The following NEK6 variants were observed in gnomAD, a reference collection of about 807,000 sequenced individuals.
NEK6 encodes the protein NIMA related kinase 6, also known as serine/threonine-protein kinase Nek6.
In NEK6, 27 loss-of-function variants were observed where a neutral mutation model predicts 43.5. The ratio of observed to expected loss-of-function variants is 0.62; its 90% confidence interval spans 0.46 to 0.86. The LOEUF (loss-of-function observed/expected upper bound fraction) is 0.86, where lower values mean the gene tolerates loss of function less well. Ranked by LOEUF, NEK6 falls within the 40% of genes least tolerant of loss-of-function variation. The pLI is 0.00. For synonymous variants in NEK6, 167 were observed against 164.1 expected, an observed-to-expected ratio of 1.02 and a Z score of -0.14; for missense variants, 318 against 414.4, an observed-to-expected ratio of 0.77 and a Z score of 2.02.
chr9:124,349,726 A>T (rs1830148247), intron 9 of NEK6, among the ~76,000 whole-genome samples: 1 of 152,162 alleles, frequency 6.6e-6, no homozygotes, highest in Non-Finnish European at 1.5e-5. Context: ...GGGTATTTTA[A>T]CCTGTCAGAG....
In NEK6 at chr9:124,338,729, C is replaced by T. The variant is rs138858858; in HGVS notation, c.623-842C>T. Among the ~76,000 whole-genome samples, 302 of 152,318 alleles carry T rather than the reference C, an allele frequency of 2.0e-3. 1 individual carries two copies. The highest frequency in any genetic ancestry group is 5.7e-3 in the Admixed American group (87 of 15,294). Reference sequence around the variant, plus strand: ...GGTTTGAACTAATTCCTGCCACTCTCGTGCAAACCTCTTCACCCATCTGAG... The same window carrying T: ...GGTTTGAACTAATTCCTGCCACTCTTGTGCAAACCTCTTCACCCATCTGAG... On this transcript the variant is annotated intron_variant, in intron 7 of 9. Coordinates refer to ENST00000320246, the MANE Select transcript of NEK6 (RefSeq NM_014397.6).
chr9:124,284,968 G>A (rs1226079618), intron 1 of NEK6, among the ~76,000 whole-genome samples: 1 of 152,204 alleles, frequency 6.6e-6, no homozygotes, highest in African/African-American at 2.4e-5. Flanking sequence ...CCAAATACGT[G>A]GTGCAGTAGG....
Position 124,324,089 on chromosome 9 carries a change from C to CA in NEK6, c.406-2240dup, listed in dbSNP as rs1198742406. ...CCCTCCAACCCGGCTCAGGGGCCCT[C>CA]ACCTGCAGAGCTGGCTCGGTGCAGC... On this transcript the variant is annotated intron_variant, in intron 5 of 9. Coordinates refer to ENST00000320246, the MANE Select transcript of NEK6 (RefSeq NM_014397.6). The surrounding 1 kb of genome is among the most constrained non-coding windows in gnomAD (Gnocchi z 5.3). Among the ~76,000 whole-genome samples, 2 of 152,326 alleles carry CA rather than the reference C, an allele frequency of 1.3e-5. No homozygotes were observed. The highest frequency in any genetic ancestry group is 3.9e-4 in the East Asian group (2 of 5,178).
chr9:124,310,101 C>T lies in NEK6; in HGVS notation c.91-2408C>T, dbSNP rs572508073. On this transcript the variant is annotated intron_variant, in intron 2 of 9. Transcript: ENST00000320246. ...GAGGGATCTGAGCTGAGAGCCCACC[C>T]GATACGGAGCAAGAGCTTGGGCACC... Among the ~76,000 whole-genome samples the T allele has an allele frequency of 4.6e-5, 7 of 152,288 alleles. No homozygotes were observed. The East Asian group carries it at 5.8e-4, about 13-fold the overall frequency.
chr9:124,312,625 G>C lies in NEK6; in HGVS notation c.207G>C (p.Lys69Asn). Reference sequence around the variant, plus strand: ...AGGCCACCTGCCTGCTGGACAGGAAGACAGTGGCTCTGAAGAAGGTGCAGG... The same window carrying C: ...AGGCCACCTGCCTGCTGGACAGGAACACAGTGGCTCTGAAGAAGGTGCAGG... ...VYKATCLLDR[K>N]TVALKKVQIF... The change falls in exon 3 of 10, where the codon AAG becomes AAC. Residue 69 changes from lysine to asparagine, a missense_variant. Around this residue, in one of 2 missense-constraint regions of NEK6, gnomAD observed 239 missense variants for 344.4 expected, o/e 0.69. Coordinates refer to ENST00000320246, the MANE Select transcript of NEK6 (RefSeq NM_014397.6). 1 of 1,613,700 alleles carries C rather than the reference G, an allele frequency of 6.2e-7. No homozygotes were observed.
intron 7 of NEK6, among the ~76,000 whole-genome samples, chr9:124,335,221 G>A (rs988262512): frequency 6.6e-5 from 10 of 151,938 alleles, no homozygotes; most frequent in Non-Finnish European, 5.9e-5. Context: ...GGTTGGCTAC[G>A]ACAAGCCATC....
intron 8 of NEK6, among the ~76,000 whole-genome samples, chr9:124,341,383 CAA>C (rs1327097326): frequency 1.4e-5 from 2 of 147,032 alleles, no homozygotes; most frequent in African/African-American, 4.9e-5. Context: ...ATGCGGGTGA[CAA>C]GAGGGTGGGA....
chr9:124,267,476 G>A (rs1027887395), intron 1 of NEK6, among the ~76,000 whole-genome samples: 29 of 152,246 alleles, frequency 1.9e-4, no homozygotes, highest in African/African-American at 6.5e-4. Flanking sequence ...GGCCTTTTGT[G>A]TGTGTTTTAA....
At chr9:124,311,098 C>T (rs558568524) in intron 2 of NEK6, among the ~76,000 whole-genome samples, 3 of 152,308 alleles carry the variant, frequency 2.0e-5, no homozygotes, top group East Asian at 1.9e-4. Flanking sequence ...CAGGCTGAGA[C>T]GCAGCTGGTC....
At chr9:124,300,914 C>G (rs574521470) in intron 1 of NEK6, among the ~76,000 whole-genome samples, 1 of 152,346 alleles carries the variant, frequency 6.6e-6, no homozygotes, top group African/African-American at 2.4e-5. Context: ...TGAGAGGTGC[C>G]CCTCGGGACA....
At chr9:124,295,637 A>T (rs573873925) in intron 1 of NEK6, among the ~76,000 whole-genome samples, 56 of 152,158 alleles carry the variant, frequency 3.7e-4, no homozygotes, top group African/African-American at 1.3e-3. Flanking sequence ...AGTGTGGATC[A>T]TAGCAGGGCC....
chr9:124,326,202 T>TCCCCCCC lies in NEK6; in HGVS notation c.406-123_406-117dup, dbSNP rs61223297. On this transcript the variant is annotated intron_variant, in intron 5 of 9. Transcript: ENST00000320246. The surrounding 1 kb of genome is among the most constrained non-coding windows in gnomAD (Gnocchi z 4.5). ...GCTTATTGTTTGCTCAGTGGCTCAA[T>TCCCCCCC]CCCCCCCCCCCGCCCCTGCCAGGCA... 2.5e-3 allele frequency: 310 copies of TCCCCCCC among 125,138 alleles called. 44 individuals carry two copies. The highest frequency in any genetic ancestry group is 3.2e-3 in the Non-Finnish European group (164 of 51,094). 7.8% of individuals were successfully genotyped at this position (125,138 alleles called of 1,614,324 possible).
At chr9:124,313,026 C>T (rs1311005082) in intron 3 of NEK6, among the ~76,000 whole-genome samples, 2 of 152,274 alleles carry the variant, frequency 1.3e-5, no homozygotes, top group South Asian at 2.1e-4. Flanking sequence ...CCCATCCTTG[C>T]GCCTGCGGTT....
intron 1 of NEK6, among the ~76,000 whole-genome samples, chr9:124,267,258 C>A (rs1831266382): frequency 6.6e-6 from 1 of 152,252 alleles, no homozygotes; most frequent in South Asian, 2.1e-4. Context: ...CCTTGGCGGG[C>A]CACCAGCGTG....
chr9:124,336,311 T>C (rs1407462871), intron 7 of NEK6, among the ~76,000 whole-genome samples: 1 of 152,228 alleles, frequency 6.6e-6, no homozygotes, highest in Non-Finnish European at 1.5e-5. Context: ...TTCAGTTTTG[T>C]AAAGAACTGT....
rs1028959226 is a variant in NEK6, at chr9:124,343,229, G to C, written c.717+3564G>C. ...GCTGGGGGGGCTGGACCACAGCCGG[G>C]GGGCGGTGAGGGGACGGATCGCAGC... On this transcript the variant is annotated intron_variant, in intron 8 of 9. Transcript: ENST00000320246. The surrounding 1 kb of genome is among the most constrained non-coding windows in gnomAD (Gnocchi z 5.1). Among the ~76,000 whole-genome samples, 14 of 151,306 alleles carry C rather than the reference G, an allele frequency of 9.3e-5. No individual in the cohort carries two copies. The highest frequency in any genetic ancestry group is 3.4e-4 in the African/African-American group (14 of 41,086).
chr9:124,338,470 G>A (rs369318960), intron 7 of NEK6, among the ~76,000 whole-genome samples: 6 of 152,344 alleles, frequency 3.9e-5, no homozygotes, highest in South Asian at 4.1e-4. Flanking sequence ...TGAAGAGTCC[G>A]TTGTCAGGTG....
At chr9:124,283,316 C>T (rs764138570) in intron 1 of NEK6, among the ~76,000 whole-genome samples, 1 of 152,212 alleles carries the variant, frequency 6.6e-6, no homozygotes, top group Non-Finnish European at 1.5e-5. Context: ...ACTCCTGCGA[C>T]GGAGCCTCAG....
chr9:124,257,643 A>G, upstream of NEK6: 1 of 1,514,896 alleles, frequency 6.6e-7, no homozygotes, highest in Non-Finnish European at 8.8e-7. Context: ...GACGCACAGG[A>G]GTCCAAGGGT....
Sources: gnomAD v4.1 joint callset for allele counts (sites outside exome capture counted in the v4.1 genomes callset) on GRCh38, gnomAD v4.1.1 for gene constraint, gnomAD v4.1.1 regional missense constraint, Gnocchi (gnomAD v3.1) non-coding constraint, MANE v1.5 for transcripts, NCBI Gene and HGNC (gene_info 2026-07-23, HGNC 2026-07-21) for gene names.